Variants in KLRF1 observed in about 807,000 individuals in gnomAD.
The protein encoded by KLRF1 is killer cell lectin like receptor F1.
Under a neutral mutation model 30.7 loss-of-function variants are expected in KLRF1, and 27 were observed. The observed-to-expected ratio is 0.88, with a 90% CI of 0.65 to 1.21. The LOEUF (loss-of-function observed/expected upper bound fraction) is 1.21, where lower values mean the gene tolerates loss of function less well. Among genes scored for constraint, KLRF1 ranks in the 50% most tolerant of loss-of-function variants. The pLI is 0.00. For missense variants in KLRF1, 246 were observed against 259.3 expected, an observed-to-expected ratio of 0.95 and a Z score of 0.35; for synonymous variants, 92 against 89.3, an observed-to-expected ratio of 1.03 and a Z score of -0.17.
At chr12:9,824,638 T>A (rs934900224), upstream of KLRF1, among the ~76,000 whole-genome samples, 31 of 152,114 alleles carry the variant, frequency 2.0e-4, no homozygotes, top group African/African-American at 7.0e-4. Context: ...GAGAAAGAAA[T>A]GAAGGGCATC....
At chr12:9,824,901 A>G (rs1193309336), upstream of KLRF1, among the ~76,000 whole-genome samples, 6 of 152,198 alleles carry the variant, frequency 3.9e-5, no homozygotes, top group African/African-American at 1.2e-4. Flanking sequence ...ACATAGGAAT[A>G]CAGTCAACCA....
chr12:9,813,597 C>T, the KLRF1 span, among the ~76,000 whole-genome samples: 1 of 151,880 alleles, frequency 6.6e-6, no homozygotes, highest in Non-Finnish European at 1.5e-5. Flanking sequence ...TCTACAGGCC[C>T]TCAGTACTTT....
chr12:9,811,103 A>G, the KLRF1 span, among the ~76,000 whole-genome samples: 6 of 151,994 alleles, frequency 3.9e-5, no homozygotes, highest in African/African-American at 1.5e-4. Context: ...CTAAAATAAA[A>G]TTCACCTAAG....
the KLRF1 span, among the ~76,000 whole-genome samples, chr12:9,818,472 T>C: frequency 6.6e-6 from 1 of 152,194 alleles, no homozygotes; most frequent in Admixed American, 6.5e-5. Flanking sequence ...TACAATATTG[T>C]GTGAGGAACC....
rs140233729 is a variant in KLRF1 at position 9,831,624 on chromosome 12, G to A, written c.86-692G>A. 1.8e-3 allele frequency among the ~76,000 whole-genome samples: 271 copies of A among 152,146 alleles called. 2 individuals carry two copies. The highest frequency in any genetic ancestry group is 6.1e-3 in the African/African-American group (254 of 41,542). ...ATAACATAATTATTCATGTAATTTC[G>A]TAAGTCAGTGCCCAGCAGACCTAAA... On this transcript the variant is annotated intron_variant, in intron 1 of 5. Coordinates refer to ENST00000617889, the MANE Select transcript of KLRF1 (RefSeq NM_016523.3).
the KLRF1 span, chr12:9,817,617 CG>C: frequency 1.0e-5 from 3 of 301,428 alleles, no homozygotes; most frequent in Admixed American, 4.5e-5. Flanking sequence ...TGAAGGTCCA[CG>C]GTTTTTCTGT....
the KLRF1 span, among the ~76,000 whole-genome samples, chr12:9,814,217 G>T: frequency 6.6e-6 from 1 of 152,132 alleles, no homozygotes; most frequent in Non-Finnish European, 1.5e-5. Flanking sequence ...GAGCCAAAAC[G>T]CAAGCTCCCC....
upstream of KLRF1, among the ~76,000 whole-genome samples, chr12:9,825,775 C>CT (rs1426540416): frequency 6.6e-6 from 1 of 152,134 alleles, no homozygotes; most frequent in Non-Finnish European, 1.5e-5. Context: ...ATGCATTTGA[C>CT]AAAGGTCTAA....
chr12:9,835,895 T>C (rs1457154961), intron 3 of KLRF1, among the ~76,000 whole-genome samples: 2 of 152,158 alleles, frequency 1.3e-5, no homozygotes, highest in East Asian at 1.9e-4. Flanking sequence ...CTTGCTGATA[T>C]GAAATGTCTG....
At chr12:9,834,316 A>C (rs1055740915) in intron 3 of KLRF1, among the ~76,000 whole-genome samples, 7 of 152,124 alleles carry the variant, frequency 4.6e-5, no homozygotes, top group African/African-American at 1.7e-4. Context: ...GCGATGGCTT[A>C]GCTTGGGCTC....
At chr12:9,819,386 T>C in the KLRF1 span, among the ~76,000 whole-genome samples, 17,991 of 152,168 alleles carry the variant, frequency 0.12, 1,159 homozygotes, top group Non-Finnish European at 0.14. Context: ...AGCAAGGTTA[T>C]ACCTCCCCTG....
At chr12:9,838,349 G>T (rs1030966050) in intron 3 of KLRF1, among the ~76,000 whole-genome samples, 3 of 151,896 alleles carry the variant, frequency 2.0e-5, no homozygotes, top group Non-Finnish European at 2.9e-5. Flanking sequence ...TGATTTTTCT[G>T]GGGGGGTGAA....
upstream of KLRF1, among the ~76,000 whole-genome samples, chr12:9,825,549 A>G (rs192792812): frequency 1.1e-4 from 16 of 152,172 alleles, no homozygotes; most frequent in East Asian, 3.1e-3. Flanking sequence ...ACCCCAAAAT[A>G]TAAAAAACCC....
chr12:9,811,013 C>T, the KLRF1 span, among the ~76,000 whole-genome samples: 4 of 152,006 alleles, frequency 2.6e-5, no homozygotes, highest in African/African-American at 9.7e-5. Flanking sequence ...AGCCACACTT[C>T]CAGCAATGGT....
At chr12:9,811,319 C>CAAAAA in the KLRF1 span, among the ~76,000 whole-genome samples, 721 of 62,182 alleles carry the variant, frequency 0.012, 23 homozygotes, top group African/African-American at 0.034. Context: ...AGAAGTAGTC[C>CAAAAA]AAAAAAAAAA....
At chr12:9,823,103 T>C (rs748353466), upstream of KLRF1, among the ~76,000 whole-genome samples, 1 of 151,928 alleles carries the variant, frequency 6.6e-6, no homozygotes, top group Non-Finnish European at 1.5e-5. Context: ...CCAAATGGAT[T>C]TGATAGACCT....
chr12:9,818,551 G>A, the KLRF1 span, among the ~76,000 whole-genome samples: 2 of 152,196 alleles, frequency 1.3e-5, no homozygotes, highest in African/African-American at 2.4e-5. Flanking sequence ...AGGCATAGAA[G>A]GCAAATCTGT....
the KLRF1 span, chr12:9,817,903 A>T: frequency 5.1e-6 from 1 of 194,784 alleles, no homozygotes; most frequent in Non-Finnish European, 1.2e-5. Context: ...CATCAGATGA[A>T]TCATGCTGGC....
At chr12:9,827,473 C>A (rs748677792), upstream of KLRF1, 24 of 774,750 alleles carry the variant, frequency 3.1e-5, no homozygotes, top group Non-Finnish European at 4.6e-5. Flanking sequence ...ATTTATTATT[C>A]TTTCCTCATT....
Sources: allele counts gnomAD v4.1 joint callset (sites outside exome capture counted in the v4.1 genomes callset), GRCh38; gene constraint gnomAD v4.1.1; transcripts MANE v1.5; gene names NCBI Gene and HGNC (gene_info 2026-07-23, HGNC 2026-07-21).